FBXL7: variants seen among roughly 807,000 people sequenced by gnomAD.
FBXL7 encodes the protein F-box and leucine rich repeat protein 7.
A neutral mutation model predicts 38.3 loss-of-function variants in FBXL7; 12 were observed. The ratio of observed to expected loss-of-function variants is 0.31; its 90% CI spans 0.20 to 0.51. The LOEUF (loss-of-function observed/expected upper bound fraction) is 0.51. FBXL7 is among the 20% of genes least tolerant of loss of function. The pLI, the probability that FBXL7 is intolerant of heterozygous loss-of-function variation, is 0.98. For synonymous variants in FBXL7, 297 were observed against 300.9 expected, an observed-to-expected ratio of 0.99 and a Z score of 0.13; for missense variants, 567 against 676.4, an observed-to-expected ratio of 0.84 and a Z score of 1.79.
chr5:15,672,856 G>A (rs1266189464), intron 2 of FBXL7, among the ~76,000 whole-genome samples: 2 of 151,900 alleles, frequency 1.3e-5, no homozygotes, highest in African/African-American at 4.8e-5. Flanking sequence ...CACCCGGCCT[G>A]TAATTTATTT....
At chr5:15,747,981 G>A (rs1008347581) in intron 2 of FBXL7, among the ~76,000 whole-genome samples, 2 of 152,186 alleles carry the variant, frequency 1.3e-5, no homozygotes, top group Admixed American at 1.3e-4. Flanking sequence ...CCCTTACCCA[G>A]TCCCAATCTG....
chr5:15,639,885 A>G (rs1479139205), intron 2 of FBXL7, among the ~76,000 whole-genome samples: 5 of 152,060 alleles, frequency 3.3e-5, no homozygotes, highest in African/African-American at 9.7e-5. Flanking sequence ...GCTGAGTTCT[A>G]TTGTTCTTGC....
chr5:15,507,215 C>T (rs955066693), intron 1 of FBXL7, among the ~76,000 whole-genome samples: 2 of 151,964 alleles, frequency 1.3e-5, no homozygotes, highest in African/African-American at 4.8e-5. Flanking sequence ...TCATCTTTTG[C>T]CTCTAGTGAC....
At chr5:15,634,097 G>A (rs1741093635) in intron 2 of FBXL7, among the ~76,000 whole-genome samples, 1 of 151,710 alleles carries the variant, frequency 6.6e-6, no homozygotes, top group South Asian at 2.1e-4. Flanking sequence ...AAGATATTAT[G>A]TAATCTCAAA....
At chr5:15,709,977 T>C (rs894871581) in intron 2 of FBXL7, among the ~76,000 whole-genome samples, 18 of 152,180 alleles carry the variant, frequency 1.2e-4, no homozygotes, top group African/African-American at 4.3e-4. Context: ...CTATTAAAAC[T>C]ATCACACTGG....
intron 2 of FBXL7, among the ~76,000 whole-genome samples, chr5:15,798,592 C>G (rs1246935549): frequency 6.6e-6 from 1 of 152,180 alleles, no homozygotes; most frequent in Non-Finnish European, 1.5e-5. Flanking sequence ...AAGGCGTTTG[C>G]TGATCAGACA....
At chr5:15,862,572 G>A (rs568947094) in intron 2 of FBXL7, among the ~76,000 whole-genome samples, 4 of 152,304 alleles carry the variant, frequency 2.6e-5, no homozygotes, top group Non-Finnish European at 4.4e-5. Flanking sequence ...TCAAAGATCT[G>A]TAGAGTACCT....
intron 2 of FBXL7, among the ~76,000 whole-genome samples, chr5:15,874,862 C>T (rs1740132011): frequency 6.6e-6 from 1 of 152,134 alleles, no homozygotes; most frequent in Non-Finnish European, 1.5e-5. Flanking sequence ...AGATTCAATG[C>T]TATCCCCATC....
At chr5:15,709,853 G>T (rs932818553) in intron 2 of FBXL7, among the ~76,000 whole-genome samples, 3 of 152,168 alleles carry the variant, frequency 2.0e-5, no homozygotes, top group East Asian at 3.9e-4. Context: ...TCTTCAGATA[G>T]TGGAAAAGTT....
At chr5:15,502,182 G>C (rs1238470263) in intron 1 of FBXL7, among the ~76,000 whole-genome samples, 6 of 152,042 alleles carry the variant, frequency 3.9e-5, no homozygotes, top group Non-Finnish European at 8.8e-5. Context: ...AACACTGTCG[G>C]GGGGAGAAAG....
rs142341471 is a variant in FBXL7 at position 15,734,977 on chromosome 5, G to A, written c.127+118905G>A. ...ACAGAGTTTTGCTCTTGTTGCCCCCGCTGGAGTACAAGGGCATGATCTTGG... is the reference window on the plus strand; with the variant it reads ...ACAGAGTTTTGCTCTTGTTGCCCCCACTGGAGTACAAGGGCATGATCTTGG... On this transcript the variant is annotated intron_variant, in intron 2 of 3. Coordinates refer to ENST00000504595, the MANE Select transcript of FBXL7 (RefSeq NM_012304.5). Among the ~76,000 whole-genome samples the A allele has an allele frequency of 1.8e-3, 276 of 152,202 alleles. 3 individuals carry two copies. Among genetic ancestry groups the A allele is most frequent in the African/African-American group, 6.1e-3 (252 of 41,538 alleles).
At chr5:15,776,645 T>A (rs993250146) in intron 2 of FBXL7, among the ~76,000 whole-genome samples, 1 of 152,064 alleles carries the variant, frequency 6.6e-6, no homozygotes, top group Non-Finnish European at 1.5e-5. Flanking sequence ...CAGGAAAAAA[T>A]TCGCACTTTT....
intron 2 of FBXL7, among the ~76,000 whole-genome samples, chr5:15,671,976 T>C (rs1450200465): frequency 1.3e-5 from 2 of 152,234 alleles, no homozygotes; most frequent in Non-Finnish European, 1.5e-5. Context: ...TAAATGTTTA[T>C]AGTAGGTCTG....
chr5:15,501,376 A>G (rs909120914), intron 1 of FBXL7: 4 of 969,284 alleles, frequency 4.1e-6, no homozygotes, highest in East Asian at 1.1e-4. Flanking sequence ...ACCTACTCCT[A>G]AAAGGATGAT....
At chr5:15,522,067 A>G (rs766212768) in intron 1 of FBXL7, among the ~76,000 whole-genome samples, 10 of 152,234 alleles carry the variant, frequency 6.6e-5, no homozygotes, top group Non-Finnish European at 1.2e-4. Context: ...ATACGTGTCT[A>G]TGTAAATCCC....
At chr5:15,883,627 A>G (rs1740553014) in intron 2 of FBXL7, among the ~76,000 whole-genome samples, 2 of 152,210 alleles carry the variant, frequency 1.3e-5, no homozygotes, top group South Asian at 4.1e-4. Flanking sequence ...TCATAGGTAC[A>G]TTCCCTTAAG....
At chr5:15,631,896 G>A (rs1266526104) in intron 2 of FBXL7, among the ~76,000 whole-genome samples, 3 of 151,990 alleles carry the variant, frequency 2.0e-5, no homozygotes, top group Non-Finnish European at 4.4e-5. Flanking sequence ...TGTTCCTGAT[G>A]CCAAAATAAA....
intron 3 of FBXL7, chr5:15,935,179 G>A (rs772139506): frequency 1.9e-6 from 1 of 534,750 alleles, no homozygotes; most frequent in Admixed American, 1.9e-5. Context: ...AGAGAGCCCC[G>A]GGGTGCAGAT....
chr5:15,865,669 C>T (rs973571312), intron 2 of FBXL7, among the ~76,000 whole-genome samples: 25 of 152,172 alleles, frequency 1.6e-4, no homozygotes, highest in Admixed American at 1.4e-3. Context: ...CCCACCCCCA[C>T]TTCTATTTCT....
Sources: allele counts gnomAD v4.1 joint callset (sites outside exome capture counted in the v4.1 genomes callset), GRCh38; gene constraint gnomAD v4.1.1; transcripts MANE v1.5; gene names NCBI Gene and HGNC (gene_info 2026-07-23, HGNC 2026-07-21).